The following ADGRB3 variants were observed in gnomAD, a reference collection of about 807,000 sequenced individuals.
ADGRB3 encodes the protein adhesion G protein-coupled receptor B3, also known as brain-specific angiogenesis inhibitor 3.
In ADGRB3, 37 loss-of-function variants were observed where a neutral mutation model predicts 193.4. The observed-to-expected ratio is 0.19, with a 90% CI of 0.15 to 0.25. ADGRB3 has a LOEUF of 0.25. ADGRB3 is among the 10% of genes least tolerant of loss of function. ADGRB3 has a pLI of 1.00. For synonymous variants in ADGRB3, 690 were observed against 644.2 expected (o/e 1.07, Z -1.08); for missense variants, 1,637 against 1,852.9 (o/e 0.88, Z 2.14).
chr6:69,093,635 G>A (rs372349822), intron 17 of ADGRB3, among the ~76,000 whole-genome samples: 5 of 147,220 alleles, frequency 3.4e-5, no homozygotes, highest in East Asian at 4.3e-4. Flanking sequence ...TGGGTGGGGA[G>A]CCCAGGATCT....
At chr6:69,048,477 C>T (rs1771302139) in intron 14 of ADGRB3, 143 bp downstream of exon 14, 2 of 897,668 alleles carry the variant, frequency 2.2e-6, no homozygotes, top group Non-Finnish European at 1.6e-6. Context: ...TAAATATGGA[C>T]AACTTATTCT....
chr6:69,040,307 CTCTTTCTTTCTTTCTT>C (rs58811960), intron 13 of ADGRB3, among the ~76,000 whole-genome samples: 131 of 94,804 alleles, frequency 1.4e-3, no homozygotes, highest in African/African-American at 2.0e-3. Flanking sequence ...CTTTCTCTGT[CTCTTTCTTTCTTTCTT>C]TCTTTCTTTC....
chr6:69,358,935 A>ATT (rs138093875), intron 28 of ADGRB3, among the ~76,000 whole-genome samples: 2 of 140,566 alleles, frequency 1.4e-5, no homozygotes, highest in African/African-American at 4.9e-5. Flanking sequence ...ATATATATAT[A>ATT]TTTTTTTTCA....
intron 17 of ADGRB3, among the ~76,000 whole-genome samples, chr6:69,098,085 C>T (rs1485357946): frequency 2.0e-5 from 3 of 152,168 alleles, no homozygotes; most frequent in Admixed American, 6.5e-5. Flanking sequence ...CTCTGTTTCA[C>T]TCTGTGACAC....
intron 13 of ADGRB3, among the ~76,000 whole-genome samples, chr6:69,028,251 G>T (rs1047885022): frequency 2.6e-5 from 4 of 152,144 alleles, no homozygotes; most frequent in African/African-American, 4.8e-5. Context: ...AGGTCCAGGA[G>T]CCTTTAGAAT....
At chr6:69,275,517 G>A (rs1416694065) in intron 20 of ADGRB3, among the ~76,000 whole-genome samples, 1 of 151,748 alleles carries the variant, frequency 6.6e-6, no homozygotes, top group African/African-American at 2.4e-5. Context: ...GATTAATTAT[G>A]TATAATTATA....
intron 17 of ADGRB3, among the ~76,000 whole-genome samples, chr6:69,136,216 TA>T (rs1401956282): frequency 6.6e-6 from 1 of 152,002 alleles, no homozygotes; most frequent in Admixed American, 6.6e-5. Context: ...ATAGTAGCCA[TA>T]AAAAAATTTA....
intron 3 of ADGRB3, among the ~76,000 whole-genome samples, chr6:68,814,576 G>T (rs1053864715): frequency 3.3e-5 from 5 of 152,004 alleles, no homozygotes; most frequent in African/African-American, 9.7e-5. Flanking sequence ...GTCAATTTTG[G>T]CTTTTGTTGC....
intron 3 of ADGRB3, among the ~76,000 whole-genome samples, chr6:68,667,865 G>C (rs1163345183): frequency 2.0e-5 from 3 of 151,634 alleles, no homozygotes; most frequent in African/African-American, 7.3e-5. Context: ...GAAAATAAGA[G>C]ACCACAGGAG....
intron 3 of ADGRB3, among the ~76,000 whole-genome samples, chr6:68,690,569 T>G (rs186716816): frequency 7.2e-5 from 11 of 152,252 alleles, no homozygotes; most frequent in Admixed American, 2.0e-4. Flanking sequence ...TGCCCCTGAC[T>G]ACTATCCATT....
At chr6:68,739,905 C>T (rs192915569) in intron 3 of ADGRB3, among the ~76,000 whole-genome samples, 7 of 152,078 alleles carry the variant, frequency 4.6e-5, no homozygotes, top group Non-Finnish European at 1.0e-4. Flanking sequence ...TTTTGTTTAA[C>T]TTTGTGTACT....
chr6:69,203,491 T>G (rs1765476740), intron 17 of ADGRB3, among the ~76,000 whole-genome samples: 2 of 151,978 alleles, frequency 1.3e-5, no homozygotes, highest in Admixed American at 1.3e-4. Context: ...ATACTAAGGC[T>G]TCAGACATGC....
chr6:69,319,427 T>G (rs1321650743), intron 20 of ADGRB3, among the ~76,000 whole-genome samples: 2 of 151,336 alleles, frequency 1.3e-5, no homozygotes, highest in Non-Finnish European at 3.0e-5. Flanking sequence ...CTCTGTTTTT[T>G]TATGTACAAT....
chr6:68,811,872 C>T (rs1300448670), intron 3 of ADGRB3, among the ~76,000 whole-genome samples: 1 of 152,114 alleles, frequency 6.6e-6, no homozygotes, highest in Non-Finnish European at 1.5e-5. Flanking sequence ...TAGATAGATA[C>T]ATATACACTT....
intron 8 of ADGRB3, among the ~76,000 whole-genome samples, chr6:68,958,865 A>AAAAT (rs67531405): frequency 0.1 from 3,998 of 39,500 alleles, 126 homozygotes; most frequent in African/African-American, 0.23. Flanking sequence ...GGGGCAAAGA[A>AAAAT]AAATAGTGTG....
intron 3 of ADGRB3, among the ~76,000 whole-genome samples, chr6:68,676,270 T>TA (rs1317939423): frequency 6.6e-6 from 1 of 151,180 alleles, no homozygotes; most frequent in Non-Finnish European, 1.5e-5. Context: ...CGCGTGCCTG[T>TA]AATCCCGCTA....
chr6:69,272,751 T>C (rs1767209016), intron 20 of ADGRB3, among the ~76,000 whole-genome samples: 1 of 152,126 alleles, frequency 6.6e-6, no homozygotes, highest in Non-Finnish European at 1.5e-5. Context: ...ACTTCTCAAG[T>C]AGGGTAGCTG....
chr6:68,973,958 C>T (rs1768661835), intron 8 of ADGRB3, among the ~76,000 whole-genome samples: 1 of 151,996 alleles, frequency 6.6e-6, no homozygotes, highest in African/African-American at 2.4e-5. Flanking sequence ...TTTTCTTGCT[C>T]AATAATTAAA....
At chr6:68,958,043 A>G (rs1344996994) in intron 8 of ADGRB3, among the ~76,000 whole-genome samples, 1 of 152,062 alleles carries the variant, frequency 6.6e-6, no homozygotes, top group South Asian at 2.1e-4. Context: ...TCTACTAAAA[A>G]TACAAAAATT....
Sources: gnomAD v4.1 joint callset for allele counts (sites outside exome capture counted in the v4.1 genomes callset) on GRCh38, gnomAD v4.1.1 for gene constraint, MANE v1.5 for transcripts, NCBI Gene and HGNC (gene_info 2026-07-23, HGNC 2026-07-21) for gene names.